Variants in XPC observed in about 807,000 individuals in gnomAD.
XPC encodes the protein XPC complex subunit, DNA damage recognition and repair factor, also known as DNA repair protein complementing XP-C cells.
In XPC, 76 loss-of-function variants were observed where a neutral mutation model predicts 95.8. The ratio of observed to expected loss-of-function variants is 0.79; its 90% CI spans 0.66 to 0.96. The LOEUF is 0.96. XPC is among the 40% of genes least tolerant of loss of function. The pLI, the probability that XPC is intolerant of heterozygous loss-of-function variation, is 0.00. For synonymous variants in XPC, 442 were observed against 442.1 expected, an observed-to-expected ratio of 1.00 and a Z score of 0.00; for missense variants, 1,146 against 1,179.8, an observed-to-expected ratio of 0.97 and a Z score of 0.42.
At chr3:14,166,253 C>G (rs547806949) in intron 5 of XPC, among the ~76,000 whole-genome samples, 1 of 152,256 alleles carries the variant, frequency 6.6e-6, no homozygotes, top group East Asian at 1.9e-4. Flanking sequence ...CTGCCTCTCT[C>G]TCCTCACTCA....
At chr3:14,177,291 G>A (rs755791084) in intron 1 of XPC, among the ~76,000 whole-genome samples, 2 of 152,094 alleles carry the variant, frequency 1.3e-5, no homozygotes, top group Admixed American at 6.5e-5. Flanking sequence ...AAAGTATGTC[G>A]GAGGATGTGC....
chr3:14,156,293 C>T lies in XPC; in HGVS notation c.2033+42G>A, dbSNP rs770271206. 13 of 1,583,610 alleles carry T rather than the reference C, an allele frequency of 8.2e-6. No individual in the cohort carries two copies. The Admixed American group carries it at 1.3e-4, about 16-fold the overall frequency. ...TAGGAAGAAGGCTGCTAATCCCATG[C>T]CATCAGGAAGCCCCTGAGGCCAACC... is the stretch of plus-strand genomic sequence containing the variant. On this transcript the variant is annotated intron_variant, in intron 10 of 15. Transcript: ENST00000285021.
At chr3:14,169,365 C>G (rs1696519732) in intron 3 of XPC, among the ~76,000 whole-genome samples, 14 of 152,138 alleles carry the variant, frequency 9.2e-5, no homozygotes, top group Admixed American at 9.2e-4. Context: ...GATATTGAAA[C>G]AAGTTTAACA....
chr3:14,147,761 T>C (rs1695499534), intron 14 of XPC, 147 bp downstream of exon 14: 1 of 708,230 alleles, frequency 1.4e-6, no homozygotes, highest in Non-Finnish European at 2.4e-6. Flanking sequence ...CTGTATTCAG[T>C]GCTCGCTCCC....
chr3:14,146,553 A>G (rs1268577341), intron 15 of XPC, among the ~76,000 whole-genome samples: 3 of 152,090 alleles, frequency 2.0e-5, no homozygotes, highest in African/African-American at 7.2e-5. Context: ...GAGCCCTAAG[A>G]TCTGAGGCGG....
intron 1 of XPC, among the ~76,000 whole-genome samples, chr3:14,177,860 CTT>C (rs1377509395): frequency 6.6e-6 from 1 of 151,706 alleles, no homozygotes; most frequent in African/African-American, 2.4e-5. Flanking sequence ...GAAATACACT[CTT>C]GAGGCTGAAC....
At chr3:14,156,094 C>T (rs1156272878) in intron 10 of XPC, among the ~76,000 whole-genome samples, 1 of 152,102 alleles carries the variant, frequency 6.6e-6, no homozygotes, top group African/African-American at 2.4e-5. Context: ...TTTTATTTTT[C>T]CTACTTTGTA....
chr3:14,175,924 C>A (rs79869662), intron 1 of XPC, among the ~76,000 whole-genome samples: 2 of 152,222 alleles, frequency 1.3e-5, no homozygotes, highest in South Asian at 4.1e-4. Flanking sequence ...GAACTGACTG[C>A]TAGCTCCTCT....
chr3:14,170,094 T>C (rs77653022), intron 3 of XPC, among the ~76,000 whole-genome samples: 76 of 152,366 alleles, frequency 5.0e-4, no homozygotes, highest in African/African-American at 1.8e-3. Context: ...TTGCTCAAGA[T>C]TAAATTACTC....
rs901890180 is a variant in XPC, at chr3:14,147,637, G to A, written c.2515-258C>T. The A allele has an allele frequency of 5.0e-6, 3 of 602,144 alleles. No homozygotes were observed. In the East Asian group the frequency reaches 8.4e-5, roughly 17 times the overall value. The allele number at this position is 602,144 out of a possible 1,614,324, so 37.3% of individuals were successfully genotyped here. ...TAGTGGGTGAGGTCTTCCAGAACCT[G>A]GACACAGGCAATTCAAGACAGAGGC... On this transcript the variant is annotated intron_variant, in intron 14 of 15. Transcript: ENST00000285021.
Position 14,158,030 on chromosome 3 carries a change from T to C in XPC, c.1853A>G (p.Glu618Gly), listed in dbSNP as rs1695989236. The part of the protein sequence containing the change: ...RPYQSPFMDR[E>G]KKEDLEFQAK... The stretch of plus-strand genomic sequence containing the variant: ...CCTTACCTCCAAGTCTTCTTTCTTC[T>C]CCCTGTCCATAAATGGGCTCTGGTA... The change falls in exon 9 of 16, where the codon GAG becomes GGG. Residue 618 changes from glutamate (E) to glycine (G), a missense_variant. Glu to Gly is a moderately conservative substitution (Grantham distance 98, BLOSUM62 -2). Transcript: ENST00000285021. This position sits in a 1 kb window ranked among gnomAD's most constrained non-coding sequence, Gnocchi z 5.2. 1.3e-6 allele frequency: 2 copies of C among 1,599,540 alleles called. No homozygotes were observed. The highest frequency in any genetic ancestry group is 2.7e-5 in the African/African-American group (2 of 74,632).
Position 14,159,763 on chromosome 3 carries a change from G to GGAT in XPC, c.967_968insATC (p.Ile322_Pro323insHis). 6.4e-7 allele frequency: 1 copy of GGAT among 1,563,564 alleles called. No homozygotes were observed. Among genetic ancestry groups the GGAT allele is most frequent in the Non-Finnish European group, 8.7e-7 (1 of 1,153,636 alleles). On this transcript the variant is annotated inframe_insertion, in exon 8 of 16. Transcript: ENST00000285021. The stretch of plus-strand genomic sequence containing the variant: ...CACCTTTGCTGTTGCTGACTTCAGA[G>GGAT]GAATTGGCTGTAGAGACAATACCAG...
intron 13 of XPC, 67 bp from the exon 14 acceptor site, chr3:14,148,068 G>A (rs1695519819): frequency 2.2e-6 from 3 of 1,392,682 alleles, no homozygotes; most frequent in East Asian, 2.5e-5. Flanking sequence ...TCCCTCCCCA[G>A]TTTGTGGAAG....
chr3:14,168,115 G>T (rs1559381511), intron 4 of XPC, 142 bp downstream of exon 4: 1 of 1,174,056 alleles, frequency 8.5e-7, no homozygotes, highest in Non-Finnish European at 1.2e-6. Context: ...GTCTCTAAAG[G>T]TAAATCAGGT....
intron 10 of XPC, among the ~76,000 whole-genome samples, chr3:14,155,945 C>G (rs1695887783): frequency 6.6e-6 from 1 of 152,146 alleles, no homozygotes; most frequent in East Asian, 1.9e-4. Flanking sequence ...ATTCCCAGAA[C>G]TTTTTCATCC....
In XPC at chr3:14,168,182, C is replaced by T. The variant is rs1574972608; in HGVS notation, c.536+75G>A. 3.7e-5 allele frequency: 56 copies of T among 1,504,898 alleles called. No individual in the cohort carries two copies. In the East Asian group the frequency reaches 1.3e-3, roughly 35 times the overall value. The allele number at this position is 1,504,898 out of a possible 1,614,324, so 93.2% of individuals were successfully genotyped here. A position where few individuals can be genotyped will look rare whatever the true frequency, so the allele number is the denominator to read the frequency against. ...CTCAGTCCTGGTCCCCTACAAGTTT[C>T]TCCAAAGTCCTCCTAAGCAGCAGCT... On this transcript the variant is annotated intron_variant, in intron 4 of 15. Transcript: ENST00000285021.
At chr3:14,160,407 G>C (rs1475104799) in intron 7 of XPC, among the ~76,000 whole-genome samples, 2 of 152,202 alleles carry the variant, frequency 1.3e-5, no homozygotes, top group African/African-American at 4.8e-5. Context: ...CCCCTCAGGG[G>C]ACTTAACTCC....
intron 10 of XPC, among the ~76,000 whole-genome samples, chr3:14,154,207 C>T (rs886207578): frequency 6.6e-6 from 1 of 152,132 alleles, no homozygotes; most frequent in Admixed American, 6.5e-5. Flanking sequence ...AAAATGGGTG[C>T]AGCTGCGGTG....
At chr3:14,156,167 A>T (rs2125021323) in intron 10 of XPC, among the ~76,000 whole-genome samples, 168 bp downstream of exon 10, 1 of 151,862 alleles carries the variant, frequency 6.6e-6, no homozygotes, top group Non-Finnish European at 1.5e-5. Flanking sequence ...TAATTTTCAA[A>T]TTTTCTTCTC....
Sources: gnomAD v4.1 joint callset for allele counts (sites outside exome capture counted in the v4.1 genomes callset) on GRCh38, gnomAD v4.1.1 for gene constraint, Gnocchi (gnomAD v3.1) non-coding constraint, MANE v1.5 for transcripts, NCBI Gene and HGNC (gene_info 2026-07-23, HGNC 2026-07-21) for gene names.